STPG2: variants seen among roughly 807,000 people sequenced by gnomAD.
STPG2 encodes the protein sperm tail PG-rich repeat containing 2.
A neutral mutation model predicts 54.2 loss-of-function variants in STPG2; 56 were observed. The observed-to-expected ratio is 1.03, with a 90% confidence interval of 0.83 to 1.29. The LOEUF is 1.29. STPG2 is among the 50% of genes most tolerant of loss of function. The pLI, the probability that STPG2 is intolerant of heterozygous loss-of-function variation, is 0.00. For missense variants in STPG2, 596 were observed against 544.9 expected (o/e 1.09, Z -0.93); for synonymous variants, 200 against 181.8 (o/e 1.10, Z -0.81).
intron 9 of STPG2, among the ~76,000 whole-genome samples, chr4:97,774,217 C>A (rs1224725020): frequency 6.6e-6 from 1 of 152,026 alleles, no homozygotes; most frequent in African/African-American, 2.4e-5. Context: ...CTTGGAGTAA[C>A]TTCAGTTCTC....
At chr4:97,989,506 ATAAT>A (rs1383306759) in intron 5 of STPG2, among the ~76,000 whole-genome samples, 6 of 152,286 alleles carry the variant, frequency 3.9e-5, no homozygotes, top group East Asian at 3.9e-4. Context: ...ATTAATAACA[ATAAT>A]TAATAAAATA....
At chr4:98,023,715 A>T (rs191068812) in intron 5 of STPG2, among the ~76,000 whole-genome samples, 1,566 of 152,196 alleles carry the variant, frequency 0.01, 31 homozygotes, top group African/African-American at 0.036. Flanking sequence ...TTGTTTACCT[A>T]AGCAAGCCTG....
At chr4:97,532,799 C>T (rs1347950434) in intron 4 of STPG2, among the ~76,000 whole-genome samples, 1 of 152,172 alleles carries the variant, frequency 6.6e-6, no homozygotes, top group African/African-American at 2.4e-5. Flanking sequence ...AGAAGATACA[C>T]ATTTAAACAC....
intron 9 of STPG2, among the ~76,000 whole-genome samples, chr4:97,728,028 G>A (rs1330252212): frequency 6.6e-6 from 1 of 151,870 alleles, no homozygotes; most frequent in Non-Finnish European, 1.5e-5. Flanking sequence ...TGCATAATCT[G>A]TCATCTTTAG....
intron 6 of STPG2, among the ~76,000 whole-genome samples, chr4:97,976,011 C>T (rs1734486182): frequency 6.6e-6 from 1 of 152,132 alleles, no homozygotes; most frequent in Non-Finnish European, 1.5e-5. Context: ...TACTTTGGTT[C>T]ACTCCAGATC....
intron 8 of STPG2, among the ~76,000 whole-genome samples, chr4:97,864,344 C>T (rs2149145065): frequency 6.6e-6 from 1 of 152,204 alleles, no homozygotes; most frequent in African/African-American, 2.4e-5. Context: ...TTCACAATTA[C>T]TTCAAAGAGA....
At position 97,674,188 on chromosome 4, in the gene STPG2, G is replaced by C. The variant is rs147539417; in HGVS notation, c.1320+38511C>G. ...AGTGTATGTGTGGTCCCTCTAATCA[G>C]ATCAAAAGCTCTTTTGAGGGCAAGA... On this transcript the variant is annotated intron_variant, in intron 10 of 10. Transcript: ENST00000295268. Among the ~76,000 whole-genome samples the C allele has an allele frequency of 1.5e-3, 235 of 152,136 alleles. 1 individual carries two copies. Among genetic ancestry groups the C allele is most frequent in the African/African-American group, 5.4e-3 (225 of 41,502 alleles).
chr4:97,795,065 T>C (rs1027103962), intron 9 of STPG2, among the ~76,000 whole-genome samples: 1 of 152,228 alleles, frequency 6.6e-6, no homozygotes, highest in Non-Finnish European at 1.5e-5. Context: ...TCTTTAACCA[T>C]GACTTTTTGT....
At chr4:97,958,570 C>T (rs1011854038) in intron 7 of STPG2, among the ~76,000 whole-genome samples, 4 of 152,136 alleles carry the variant, frequency 2.6e-5, no homozygotes, top group Non-Finnish European at 4.4e-5. Flanking sequence ...CAAATGAACA[C>T]CAAAAGCCAG....
At chr4:97,579,776 T>C (rs1197677906) in intron 10 of STPG2, among the ~76,000 whole-genome samples, 1 of 152,048 alleles carries the variant, frequency 6.6e-6, no homozygotes, top group Non-Finnish European at 1.5e-5. Flanking sequence ...TCTCATTTAA[T>C]CAGATTTATA....
intron 4 of STPG2, among the ~76,000 whole-genome samples, chr4:97,500,791 T>A (rs1489290661): frequency 1.3e-5 from 2 of 152,038 alleles, no homozygotes; most frequent in Non-Finnish European, 2.9e-5. Flanking sequence ...ACACGGTGAT[T>A]ACTGTTGGCC....
chr4:97,520,958 G>A (rs1349691214), intron 4 of STPG2, among the ~76,000 whole-genome samples: 1 of 151,772 alleles, frequency 6.6e-6, no homozygotes, highest in Non-Finnish European at 1.5e-5. Flanking sequence ...AGATAAATGT[G>A]GGGTCAAATT....
At chr4:97,857,301 G>A (rs1729367791) in intron 8 of STPG2, among the ~76,000 whole-genome samples, 1 of 151,934 alleles carries the variant, frequency 6.6e-6, no homozygotes, top group East Asian at 1.9e-4. Flanking sequence ...GCTTTTTCTT[G>A]GTTGGTAGGC....
intron 10 of STPG2, among the ~76,000 whole-genome samples, chr4:97,653,755 C>T (rs1298261003): frequency 6.6e-6 from 1 of 152,004 alleles, no homozygotes; most frequent in East Asian, 1.9e-4. Context: ...TGTTTAGTGT[C>T]CAGAAGATGA....
intron 8 of STPG2, among the ~76,000 whole-genome samples, chr4:97,904,034 G>C (rs137861580): frequency 0.18 from 26,934 of 152,158 alleles, 3,024 homozygotes; most frequent in Non-Finnish European, 0.26. Context: ...GGGGCGCCCA[G>C]CATTGCCCAG....
intron 4 of STPG2, among the ~76,000 whole-genome samples, chr4:97,546,754 GA>G (rs1385756879): frequency 6.6e-6 from 1 of 152,120 alleles, no homozygotes; most frequent in Non-Finnish European, 1.5e-5. Context: ...CTGAAATCAA[GA>G]TATGATAATC....
At chr4:98,085,582 C>T (rs1356572994) in intron 5 of STPG2, among the ~76,000 whole-genome samples, 1 of 152,010 alleles carries the variant, frequency 6.6e-6, no homozygotes, top group East Asian at 1.9e-4. Context: ...ATGTTTTATA[C>T]TTTTTGTGCA....
intron 5 of STPG2, among the ~76,000 whole-genome samples, chr4:98,011,136 G>C (rs1422977172): frequency 2.0e-5 from 3 of 151,998 alleles, no homozygotes; most frequent in Non-Finnish European, 4.4e-5. Flanking sequence ...ACAGGCCCCA[G>C]TGTGTGTTTT....
chr4:97,817,545 AT>A lies in STPG2; in HGVS notation c.1204+23227del, dbSNP rs555126264. ...AGAATAAATTATTTCATTATAGTCT[AT>A]CACAGTTTTTACTGTTGCATTTTAC... On this transcript the variant is annotated intron_variant, in intron 9 of 10. Transcript: ENST00000295268. 3.3e-5 allele frequency among the ~76,000 whole-genome samples: 5 copies of A among 152,124 alleles called. No individual in the cohort carries two copies. The South Asian group carries it at 1.0e-3, about 32-fold the overall frequency.
Sources: allele counts gnomAD v4.1 joint callset (sites outside exome capture counted in the v4.1 genomes callset), GRCh38; gene constraint gnomAD v4.1.1; transcripts MANE v1.5; gene names NCBI Gene and HGNC (gene_info 2026-07-23, HGNC 2026-07-21).